Variants in FAM184B observed in about 807,000 individuals in gnomAD.
FAM184B encodes the protein family with sequence similarity 184 member B.
In FAM184B, 111 loss-of-function variants were observed where a neutral mutation model predicts 135.9. That is an observed-to-expected ratio of 0.82 (90% CI 0.70 to 0.96). The LOEUF is 0.96. Among genes scored for constraint, FAM184B ranks in the 40% least tolerant of loss-of-function variants. The pLI, the probability that FAM184B is intolerant of heterozygous loss-of-function variation, is 0.00. For missense variants in FAM184B, 1,375 were observed against 1,323.9 expected (o/e 1.04, Z -0.60); for synonymous variants, 552 against 524.8 (o/e 1.05, Z -0.71).
intron 5 of FAM184B, among the ~76,000 whole-genome samples, chr4:17,697,909 G>T (rs535920255): frequency 1.3e-5 from 2 of 152,104 alleles, no homozygotes; most frequent in African/African-American, 4.8e-5. Context: ...GTAATTTTTG[G>T]CATTACTAAG....
intron 1 of FAM184B, among the ~76,000 whole-genome samples, chr4:17,752,522 T>C (rs1298931915): frequency 1.1e-4 from 17 of 152,134 alleles, no homozygotes; most frequent in Admixed American, 1.1e-3. Flanking sequence ...CAGAGAGCCA[T>C]GTTCTTAAGG....
At chr4:17,732,190 G>A (rs1165038381) in intron 1 of FAM184B, among the ~76,000 whole-genome samples, 1 of 152,188 alleles carries the variant, frequency 6.6e-6, no homozygotes, top group Non-Finnish European at 1.5e-5. Context: ...AAAGCAGTGT[G>A]TAGAAGGAAA....
At chr4:17,664,003 GT>G (rs1276548271) in intron 8 of FAM184B, among the ~76,000 whole-genome samples, 2 of 152,104 alleles carry the variant, frequency 1.3e-5, no homozygotes, top group African/African-American at 2.4e-5. Flanking sequence ...AAGCAGAATT[GT>G]GAGTCAATTA....
At position 17,647,810 on chromosome 4, in the gene FAM184B, CA is replaced by C; in HGVS notation, c.2192-20del. ...AGCGACTCTGGAAAAGGGAGAGCAG[CA>C]GTGAGTTAGGCGTTGGGTCTAGGCT... On this transcript the variant is annotated intron_variant, in intron 11 of 17. Transcript: ENST00000265018. 1 of 1,546,282 alleles carries C rather than the reference CA, an allele frequency of 6.5e-7. No homozygotes were observed.
chr4:17,764,571 T>C (rs1718616380), intron 1 of FAM184B, among the ~76,000 whole-genome samples: 1 of 152,316 alleles, frequency 6.6e-6, no homozygotes, highest in South Asian at 2.1e-4. Context: ...GTTCTAAAGA[T>C]GTAAAAAACA....
intron 7 of FAM184B, among the ~76,000 whole-genome samples, chr4:17,676,854 A>G (rs142876915): frequency 2.0e-5 from 3 of 152,334 alleles, no homozygotes; most frequent in East Asian, 3.9e-4. Context: ...CCTAACAGCA[A>G]AAAGCTATAG....
chr4:17,632,508 C>T lies in FAM184B; in HGVS notation c.*24G>A. 6.7e-7 allele frequency: 1 copy of T among 1,500,880 alleles called. No homozygotes were observed. Among genetic ancestry groups the T allele is most frequent in the East Asian group, 2.5e-5 (1 of 40,648 alleles). 93.0% of individuals were successfully genotyped at this position (1,500,880 alleles called of 1,614,324 possible). On this transcript the variant is annotated 3_prime_UTR_variant, in exon 18 of 18. Transcript: ENST00000265018. ...AAAATAAATGTTTTTCAAGTATCCT[C>T]TGTGATGTATCCCAAAGGTTAGCTT...
chr4:17,659,885 G>A, intron 9 of FAM184B, 73 bp downstream of exon 9: 3 of 1,525,182 alleles, frequency 2.0e-6, no homozygotes, highest in Non-Finnish European at 2.7e-6. Context: ...GGCCCTGCAT[G>A]CATTTCCAAG....
In FAM184B at chr4:17,634,857, C is replaced by T. The variant is rs369732253; in HGVS notation, c.2889+152G>A. 6.0e-5 allele frequency among the ~76,000 whole-genome samples: 9 copies of T among 149,466 alleles called. No individual in the cohort carries two copies. The South Asian group carries it at 1.3e-3, about 21-fold the overall frequency. ...TAAAAAATAAAAATCACACATAATC[C>T]GCCCAGCCATAGATATAAACAAGTG... is the stretch of plus-strand genomic sequence containing the variant. On this transcript the variant is annotated intron_variant, in intron 16 of 17. Transcript: ENST00000265018.
intron 1 of FAM184B, among the ~76,000 whole-genome samples, chr4:17,717,536 C>A (rs781405993): frequency 2.0e-5 from 3 of 152,098 alleles, no homozygotes; most frequent in Non-Finnish European, 4.4e-5. Context: ...GGGAGGCTGA[C>A]TTCAGAATCC....
chr4:17,766,275 C>A (rs923658100), intron 1 of FAM184B, among the ~76,000 whole-genome samples: 4 of 152,110 alleles, frequency 2.6e-5, no homozygotes, highest in African/African-American at 9.7e-5. Flanking sequence ...CTGATTGGTG[C>A]GTTTACAATC....
At chr4:17,735,391 T>G (rs1356106936) in intron 1 of FAM184B, among the ~76,000 whole-genome samples, 1 of 152,152 alleles carries the variant, frequency 6.6e-6, no homozygotes, top group African/African-American at 2.4e-5. Flanking sequence ...AATTTTCATT[T>G]TTTAAAATTT....
chr4:17,733,657 C>A (rs565153492), intron 1 of FAM184B, among the ~76,000 whole-genome samples: 1 of 152,240 alleles, frequency 6.6e-6, no homozygotes, highest in African/African-American at 2.4e-5. Context: ...GAACTACAAA[C>A]CACTGCTCAA....
chr4:17,678,842 T>C (rs1261574856), intron 7 of FAM184B, among the ~76,000 whole-genome samples: 1 of 152,130 alleles, frequency 6.6e-6, no homozygotes, highest in Non-Finnish European at 1.5e-5. Context: ...CATAGGCCAA[T>C]GGAACACAAT....
At chr4:17,763,543 GT>G (rs987379648) in intron 1 of FAM184B, among the ~76,000 whole-genome samples, 20 of 147,504 alleles carry the variant, frequency 1.4e-4, no homozygotes, top group African/African-American at 4.5e-4. Context: ...GACAGGAATA[GT>G]AAGACTGGAC....
chr4:17,737,816 A>G (rs1186530279), intron 1 of FAM184B, among the ~76,000 whole-genome samples: 1 of 152,186 alleles, frequency 6.6e-6, no homozygotes, highest in African/African-American at 2.4e-5. Flanking sequence ...TCACATTCAG[A>G]AAACAGTGAG....
rs1715439850 is a variant in FAM184B at position 17,645,425 on chromosome 4, T to C, written c.2346+2212A>G. The stretch of plus-strand genomic sequence containing the variant: ...CAGAGCCCTCAGAAATAATACCACA[T>C]ATCTGCAACTATCTGATCTTTGACA... On this transcript the variant is annotated intron_variant, in intron 12 of 17. Coordinates refer to ENST00000265018, the MANE Select transcript of FAM184B (RefSeq NM_015688.2). 6.6e-5 allele frequency among the ~76,000 whole-genome samples: 10 copies of C among 152,202 alleles called. No individual in the cohort carries two copies. The South Asian group carries it at 2.1e-3, about 32-fold the overall frequency.
intron 6 of FAM184B, among the ~76,000 whole-genome samples, chr4:17,689,221 G>A (rs1024535726): frequency 6.6e-6 from 1 of 152,142 alleles, no homozygotes; most frequent in Non-Finnish European, 1.5e-5. Flanking sequence ...AATTATATAG[G>A]TAAAATGAGA....
intron 1 of FAM184B, among the ~76,000 whole-genome samples, chr4:17,721,243 G>T (rs1483445849): frequency 3.3e-5 from 5 of 151,832 alleles, no homozygotes; most frequent in East Asian, 3.9e-4. Context: ...AATTAGCCAG[G>T]CGTAGTGGCG....
Sources: gnomAD v4.1 joint callset for allele counts (sites outside exome capture counted in the v4.1 genomes callset) on GRCh38, gnomAD v4.1.1 for gene constraint, MANE v1.5 for transcripts, NCBI Gene and HGNC (gene_info 2026-07-23, HGNC 2026-07-21) for gene names.